FRAS1: variants seen among roughly 807,000 people sequenced by gnomAD.
FRAS1 encodes Fraser extracellular matrix complex subunit 1.
FRAS1 carries 290 observed loss-of-function variants against 435.2 expected under a neutral mutation model. The ratio of observed to expected loss-of-function variants is 0.67; its 90% CI spans 0.61 to 0.73. The LOEUF is 0.73. Ranked by LOEUF, FRAS1 falls within the 30% of genes least tolerant of loss-of-function variation. FRAS1 has a pLI of 0.00. For synonymous variants in FRAS1, 1,800 were observed against 1,851.0 expected (o/e 0.97, Z 0.71); for missense variants, 4,860 against 5,001.5 (o/e 0.97, Z 0.85).
chr4:78,391,222 C>A (rs1362795100), intron 29 of FRAS1, among the ~76,000 whole-genome samples: 1 of 152,154 alleles, frequency 6.6e-6, no homozygotes, highest in Non-Finnish European at 1.5e-5. Context: ...TACATCACTT[C>A]CCCCAAACTT....
rs112056128 is a variant in FRAS1, at chr4:78,539,708, T to G, written c.11445+268T>G. 3.1e-3 allele frequency among the ~76,000 whole-genome samples: 475 copies of G among 152,334 alleles called. 4 individuals carry two copies. Among genetic ancestry groups the G allele is most frequent in the Middle Eastern group, 0.014 (4 of 294 alleles). Reference sequence around the variant, plus strand: ...ATGGCTGCATATGACACTCCAGTTTTTCCTAAGTTCTTTTATATTGCATCC... The same window carrying G: ...ATGGCTGCATATGACACTCCAGTTTGTCCTAAGTTCTTTTATATTGCATCC... On this transcript the variant is annotated intron_variant, in intron 73 of 73. Transcript: ENST00000512123.
intron 50 of FRAS1, among the ~76,000 whole-genome samples, chr4:78,468,884 C>G (rs1719619127): frequency 6.6e-6 from 1 of 152,166 alleles, no homozygotes; most frequent in Non-Finnish European, 1.5e-5. Flanking sequence ...TCCTTTTCTA[C>G]TTTGACACTG....
At position 78,460,175 on chromosome 4, in the gene FRAS1, G is replaced by A. The variant is rs185413963; in HGVS notation, c.6764-3846G>A. Among the ~76,000 whole-genome samples, 121 of 152,274 alleles carry A rather than the reference G, an allele frequency of 7.9e-4. 1 individual carries two copies. The highest frequency in any genetic ancestry group is 2.8e-3 in the African/African-American group (117 of 41,562). ...CTGGGCTGCAAGTGGGAGGACTGAG[G>A]CATCATCTAACACGCTGTTAAGAAG... is the stretch of plus-strand genomic sequence containing the variant. On this transcript the variant is annotated intron_variant, in intron 47 of 73. Transcript: ENST00000512123.
At chr4:78,321,199 T>A (rs1173658643) in intron 18 of FRAS1, among the ~76,000 whole-genome samples, 2 of 152,196 alleles carry the variant, frequency 1.3e-5, no homozygotes. Flanking sequence ...CTAGTTTTGC[T>A]CACTTAGTCT....
chr4:78,397,848 G>A (rs1368030020), intron 29 of FRAS1, among the ~76,000 whole-genome samples: 2 of 152,188 alleles, frequency 1.3e-5, no homozygotes, highest in African/African-American at 4.8e-5. Context: ...TCCTCTGTAG[G>A]AGAAATTATG....
intron 32 of FRAS1, among the ~76,000 whole-genome samples, chr4:78,417,689 G>C (rs548042059): frequency 5.5e-4 from 83 of 152,262 alleles, no homozygotes; most frequent in Non-Finnish European, 8.7e-4. Flanking sequence ...AATACGCCTT[G>C]GGGACAATTA....
Position 78,511,407 on chromosome 4 carries a change from A to C in FRAS1, c.9914A>C (p.His3305Pro), listed in dbSNP as rs1721034633. The C allele has an allele frequency of 6.2e-7, 1 of 1,613,864 alleles. No homozygotes were observed. The highest frequency in any genetic ancestry group is 1.3e-5 in the African/African-American group (1 of 74,930). ...ATTGGAACAGACAGTGCTATCTGCC[A>C]CACACCAGTGGTGGCTGGGACATCC... ...VTIGTDSAIC[H>P]TPVVAGTSRG... is the part of the protein sequence containing the mutation. Residue 3305 changes from histidine (H) to proline (P), a missense_variant, in exon 64 of 74, where the codon CAC (histidine) becomes CCC (proline). His to Pro is a moderately conservative substitution (Grantham distance 77, BLOSUM62 -2). Coordinates refer to ENST00000512123, the MANE Select transcript of FRAS1 (RefSeq NM_025074.7).
Position 78,515,882 on chromosome 4 carries a change from G to A in FRAS1, c.10258G>A (p.Val3420Met), listed in dbSNP as rs775254947. 20 of 1,613,868 alleles carry A rather than the reference G, an allele frequency of 1.2e-5. No individual in the cohort carries two copies. The highest frequency in any genetic ancestry group is 3.3e-5 in the Admixed American group (2 of 60,004). Reference protein sequence around the residue: ...YDRPFQFDPSVREPKTIQLYK... With the variant: ...YDRPFQFDPSMREPKTIQLYK... ...TCGCCCCTTCCAGTTTGACCCCAGCGTGCGAGAGCCGAAGACCATCCAGCT... is the reference window on the plus strand; with the variant it reads ...TCGCCCCTTCCAGTTTGACCCCAGCATGCGAGAGCCGAAGACCATCCAGCT... Residue 3420 changes from valine to methionine, a missense_variant, in exon 66 of 74, where the codon GTG becomes ATG. Transcript: ENST00000512123.
In FRAS1 at chr4:78,509,003, C is replaced by T. The variant is rs534036896; in HGVS notation, c.9777C>T (p.His3259=). 1.2e-5 allele frequency: 20 copies of T among 1,613,960 alleles called. No individual in the cohort carries two copies. In the East Asian group the frequency reaches 4.5e-4, roughly 36 times the overall value. The change falls in exon 63 of 74, where the codon CAC becomes CAT. Residue 3259 remains histidine, a synonymous_variant. Coordinates refer to ENST00000512123, the MANE Select transcript of FRAS1 (RefSeq NM_025074.7). ...TDNTPFTSVN[H]MVLDSIYFSR... is the part of the protein sequence containing the mutation. ...ACACACCATTCACCAGTGTCAACCA[C>T]ATGGTAGGTCTGGGGGTCTGGGCCT...
At chr4:78,330,155 A>G (rs188354835) in intron 18 of FRAS1, among the ~76,000 whole-genome samples, 1 of 152,314 alleles carries the variant, frequency 6.6e-6, no homozygotes, top group East Asian at 1.9e-4. Context: ...TAGTTCCCCA[A>G]ATTAATACTT....
chr4:78,472,085 A>T, intron 51 of FRAS1, 95 bp from the exon 52 acceptor site: 1 of 1,280,748 alleles, frequency 7.8e-7, no homozygotes, highest in Non-Finnish European at 1.1e-6. Flanking sequence ...TACACTCAGT[A>T]AATCATTGTT....
intron 63 of FRAS1, 118 bp downstream of exon 63, chr4:78,509,124 T>A: frequency 9.0e-7 from 1 of 1,115,458 alleles, no homozygotes; most frequent in Non-Finnish European, 1.3e-6. Context: ...ATAAAACAAA[T>A]AAGCAGGTGC....
chr4:78,267,852 G>A (rs980175916), intron 9 of FRAS1, among the ~76,000 whole-genome samples: 1 of 152,202 alleles, frequency 6.6e-6, no homozygotes, highest in Admixed American at 6.5e-5. Flanking sequence ...TTAGCAGAAC[G>A]AGAGCCAGCA....
At chr4:78,207,532 G>C (rs1159893821) in intron 2 of FRAS1, among the ~76,000 whole-genome samples, 1 of 152,206 alleles carries the variant, frequency 6.6e-6, no homozygotes, top group Non-Finnish European at 1.5e-5. Context: ...TTTTAAAGGG[G>C]AAGAGGGAGA....
At chr4:78,114,855 T>A (rs138489565) in intron 2 of FRAS1, among the ~76,000 whole-genome samples, 6 of 149,232 alleles carry the variant, frequency 4.0e-5, no homozygotes, top group Admixed American at 3.3e-4. Flanking sequence ...GGCCAGAACT[T>A]CCAACACTAT....
At chr4:78,408,004 G>A (rs1389738555) in intron 31 of FRAS1, among the ~76,000 whole-genome samples, 163 bp downstream of exon 31, 1 of 152,152 alleles carries the variant, frequency 6.6e-6, no homozygotes, top group Non-Finnish European at 1.5e-5. Flanking sequence ...CCCGAGACTG[G>A]GTAATTTACA....
chr4:78,312,813 C>G (rs1252306311), intron 15 of FRAS1, among the ~76,000 whole-genome samples: 1 of 147,158 alleles, frequency 6.8e-6, no homozygotes, highest in Non-Finnish European at 1.5e-5. Context: ...GCTTGGGTGA[C>G]AGAGTGAGAC....
rs769473569 is a variant in FRAS1, at chr4:78,163,346, T to A, written c.109-74164T>A. 5.8e-4 allele frequency among the ~76,000 whole-genome samples: 88 copies of A among 152,320 alleles called. 1 individual carries two copies. Among genetic ancestry groups the A allele is most frequent in the Non-Finnish European group, 1.1e-3 (78 of 68,028 alleles). ...CTTTTTCTCCCTATTGTAAGAAAAG[T>A]CTCTGTAATATTTCTCAGTGTTAAA... On this transcript the variant is annotated intron_variant, in intron 2 of 73. Transcript: ENST00000512123.
At position 78,223,733 on chromosome 4, in the gene FRAS1, G is replaced by A. The variant is rs529554002; in HGVS notation, c.109-13777G>A. Among the ~76,000 whole-genome samples, 40 of 152,064 alleles carry A rather than the reference G, an allele frequency of 2.6e-4. No homozygotes were observed. In the Middle Eastern group the frequency reaches 0.01, roughly 39 times the overall value. ...TAGCACTTCAGATAACTATTTCCAGGGCTGGCATGTGTGATAAAGCCTATT... is the reference window on the plus strand; with the variant it reads ...TAGCACTTCAGATAACTATTTCCAGAGCTGGCATGTGTGATAAAGCCTATT... On this transcript the variant is annotated intron_variant, in intron 2 of 73. Transcript: ENST00000512123.
Sources: gnomAD v4.1 joint callset for allele counts (sites outside exome capture counted in the v4.1 genomes callset) on GRCh38, gnomAD v4.1.1 for gene constraint, MANE v1.5 for transcripts, NCBI Gene and HGNC (gene_info 2026-07-23, HGNC 2026-07-21) for gene names.